The following ARID3A variants were observed in gnomAD, a reference collection of about 807,000 sequenced individuals.
ARID3A encodes AT-rich interaction domain 3A.
A neutral mutation model predicts 52.7 loss-of-function variants in ARID3A; 11 were observed. The ratio of observed to expected loss-of-function variants is 0.21; its 90% CI spans 0.13 to 0.35. ARID3A has a LOEUF of 0.35. Ranked by LOEUF, ARID3A falls within the 10% of genes least tolerant of loss-of-function variation. The pLI, the probability that ARID3A is intolerant of heterozygous loss-of-function variation, is 1.00. For missense variants in ARID3A, 721 were observed against 838.5 expected, an observed-to-expected ratio of 0.86 and a Z score of 1.73; for synonymous variants, 404 against 359.4, an observed-to-expected ratio of 1.12 and a Z score of -1.40.
chr19:964,987 A>G lies in ARID3A; in HGVS notation c.1105A>G (p.Met369Val). Residue 369 changes from methionine (M) to valine (V), a missense_variant, in exon 6 of 9, where the codon ATG becomes GTG. Met to Val is a conservative substitution (Grantham distance 21). This residue lies in a region of ARID3A where 297 missense variants were observed against 343.2 expected (regional missense o/e 0.87). Transcript: ENST00000263620. This position sits in a 1 kb window ranked among gnomAD's most constrained non-coding sequence, Gnocchi z 5.7. ...FAYSPGGAHGMLSSPKLPVSS... is the reference protein window; with the variant it reads ...FAYSPGGAHGVLSSPKLPVSS... ...CTACTCGCCAGGCGGGGCACACGGC[A>G]TGCTCTCCTCACCCAAGCTACCCGT... 6.2e-7 allele frequency: 1 copy of G among 1,613,754 alleles called. No homozygotes were observed. Among genetic ancestry groups the G allele is most frequent in the South Asian group, 1.1e-5 (1 of 91,080 alleles).
In ARID3A at chr19:974,731, C is replaced by T. The variant is rs1364324380; in HGVS notation, c.*2666C>T. 3.5e-5 allele frequency: 8 copies of T among 231,552 alleles called. No individual in the cohort carries two copies. The South Asian group carries it at 5.4e-4, about 16-fold the overall frequency. 14.3% of individuals were successfully genotyped at this position (231,552 alleles called of 1,614,324 possible). On this transcript the variant is annotated 3_prime_UTR_variant, in exon 9 of 9. Transcript: ENST00000263620. ...GGGTCGAGGGCTGGGTCGTCTCCCT[C>T]GGGCTGCGTGTGTGTGTCGGGAATC...
intron 2 of ARID3A, among the ~76,000 whole-genome samples, chr19:930,326 T>C (rs929841689): frequency 3.3e-5 from 5 of 151,042 alleles, no homozygotes; most frequent in African/African-American, 1.2e-4. Context: ...TCGAGGTGGG[T>C]GGATCACCTG....
chr19:968,689 C>T, intron 8 of ARID3A, 186 bp downstream of exon 8: 1 of 578,752 alleles, frequency 1.7e-6, no homozygotes, highest in South Asian at 2.0e-5. Flanking sequence ...CACCCGGTAC[C>T]ACGCTCAGCC....
chr19:926,316 G>A (rs1039841673), intron 1 of ARID3A, among the ~76,000 whole-genome samples: 15 of 151,902 alleles, frequency 9.9e-5, no homozygotes, highest in African/African-American at 3.4e-4. Flanking sequence ...GTTGGTGGGG[G>A]TCCCGGACTG....
chr19:964,353 A>G lies in ARID3A; in HGVS notation c.872A>G (p.Lys291Arg). Residue 291 changes from lysine to arginine, a missense_variant, in exon 5 of 9, where the codon AAG becomes AGG. Physicochemically the swap from Lys to Arg is conservative, Grantham distance 26. Transcript: ENST00000263620. This position sits in a 1 kb window ranked among gnomAD's most constrained non-coding sequence, Gnocchi z 5.7. Reference sequence around the variant, plus strand: ...GGCGGCCTCGTGGAGGTCATCAACAAGAAGCTGTGGCGTGAGATCACCAAG... The same window carrying G: ...GGCGGCCTCGTGGAGGTCATCAACAGGAAGCTGTGGCGTGAGATCACCAAG... ...EKGGLVEVIN[K>R]KLWREITKGL... 1 of 1,614,074 alleles carries G rather than the reference A, an allele frequency of 6.2e-7. No individual in the cohort carries two copies. Among genetic ancestry groups the G allele is most frequent in the Non-Finnish European group, 8.5e-7 (1 of 1,179,986 alleles).
In ARID3A at chr19:942,762, A is replaced by G. The variant is rs906603737; in HGVS notation, c.693+10020A>G. On this transcript the variant is annotated intron_variant, in intron 3 of 8. Coordinates refer to ENST00000263620, the MANE Select transcript of ARID3A (RefSeq NM_005224.3). This position sits in a 1 kb window ranked among gnomAD's most constrained non-coding sequence, Gnocchi z 8.1. ...ACGCTGGACATAGTGCCCAGATTCC[A>G]TGCCCAGCAGCCTCCTCTGCCACCC... Among the ~76,000 whole-genome samples, 4 of 152,188 alleles carry G rather than the reference A, an allele frequency of 2.6e-5. No homozygotes were observed. The highest frequency in any genetic ancestry group is 2.0e-4 in the Admixed American group (3 of 15,274).
At chr19:966,471 A>AG (rs1347959835) in intron 6 of ARID3A, 101 bp from the exon 7 acceptor site, 10 of 1,089,792 alleles carry the variant, frequency 9.2e-6, no homozygotes, top group Non-Finnish European at 1.1e-5. Flanking sequence ...AAAAAAAAAA[A>AG]AAAAGAAAAG....
Position 971,979 on chromosome 19 carries a change from G to A in ARID3A, c.1696G>A (p.Gly566Arg), listed in dbSNP as rs776587212. 6.2e-7 allele frequency: 1 copy of A among 1,602,496 alleles called. No individual in the cohort carries two copies. Among genetic ancestry groups the A allele is most frequent in the East Asian group, 2.3e-5 (1 of 43,368 alleles). ...GSSSNAGGRGGNTGTSGGQAG... is the reference protein window; with the variant it reads ...GSSSNAGGRGRNTGTSGGQAG... ...CAGCAGCAACGCAGGCGGCCGGGGA[G>A]GAAACACCGGAACCAGCGGCGGCCA... Residue 566 changes from glycine (G) to arginine (R), a missense_variant, in exon 9 of 9, where the codon GGA (glycine) becomes AGA (arginine). By Grantham distance (125) the Gly-to-Arg change is moderately radical. This residue lies in a region of ARID3A where 297 missense variants were observed against 343.2 expected (regional missense o/e 0.87). Transcript: ENST00000263620.
In ARID3A at chr19:941,273, G is replaced by T. The variant is rs867181009; in HGVS notation, c.693+8531G>T. On this transcript the variant is annotated intron_variant, in intron 3 of 8. Coordinates refer to ENST00000263620, the MANE Select transcript of ARID3A (RefSeq NM_005224.3). The surrounding 1 kb of genome is among the most constrained non-coding windows in gnomAD (Gnocchi z 6.9). ...GAGTGTGCACGCTGGGGCTGTGGCCGGGCGGCTCGTGGGTCCTGTCTCGTG... is the reference window on the plus strand; with the variant it reads ...GAGTGTGCACGCTGGGGCTGTGGCCTGGCGGCTCGTGGGTCCTGTCTCGTG... 6.6e-6 allele frequency among the ~76,000 whole-genome samples: 1 copy of T among 152,262 alleles called. No homozygotes were observed. Among genetic ancestry groups the T allele is most frequent in the African/African-American group, 2.4e-5 (1 of 41,478 alleles).
intron 4 of ARID3A, among the ~76,000 whole-genome samples, chr19:963,640 C>A (rs569911591): frequency 1.3e-5 from 2 of 152,298 alleles, no homozygotes; most frequent in South Asian, 4.1e-4. Context: ...GCCCACCTAC[C>A]GCCCTTCCCC....
chr19:929,738 G>A lies in ARID3A; in HGVS notation c.210G>A (p.Ala70=), dbSNP rs373039179. Residue 70 remains alanine (A), a synonymous_variant, in exon 2 of 9, where the codon GCG becomes GCA. Transcript: ENST00000263620. This position sits in a 1 kb window ranked among gnomAD's most constrained non-coding sequence, Gnocchi z 6.2. ...TGGCAGCCATGCGGGCTGCAGCTGC[G>A]GGCCTGGGACACCCAGCCAGCCCCG... ...AALAAMRAAA[A]GLGHPASPGG... The A allele has an allele frequency of 1.5e-5, 23 of 1,559,152 alleles. No homozygotes were observed. The African/African-American group carries it at 2.2e-4, about 15-fold the overall frequency.
intron 3 of ARID3A, among the ~76,000 whole-genome samples, chr19:950,524 G>A (rs901688623): frequency 6.6e-6 from 1 of 152,212 alleles, no homozygotes. Flanking sequence ...AGGGGGAGCA[G>A]CCAGGTGTGT....
rs1441005458 is a variant in ARID3A, at chr19:935,580, C to T, written c.693+2838C>T. Among the ~76,000 whole-genome samples the T allele has an allele frequency of 3.9e-5, 6 of 152,218 alleles. No homozygotes were observed. In the South Asian group the frequency reaches 6.2e-4, roughly 16 times the overall value. ...GCAGCCTCGATCTCCTGGGTTCAAG[C>T]GATCCTTCTGCCTCAGCCTCCTGAG... On this transcript the variant is annotated intron_variant, in intron 3 of 8. Transcript: ENST00000263620.
chr19:969,210 A>G (rs1274424331), intron 8 of ARID3A, among the ~76,000 whole-genome samples: 3 of 152,094 alleles, frequency 2.0e-5, no homozygotes, highest in Non-Finnish European at 4.4e-5. Flanking sequence ...TCCAATGCCT[A>G]ATAATCACAT....
intron 3 of ARID3A, 98 bp downstream of exon 3, chr19:932,840 G>T: frequency 6.7e-7 from 1 of 1,498,266 alleles, no homozygotes; most frequent in Non-Finnish European, 8.8e-7. Flanking sequence ...GCTGAGCCGG[G>T]CGTCGAGTTG....
chr19:955,841 C>G (rs868479645), intron 3 of ARID3A, among the ~76,000 whole-genome samples: 1 of 152,164 alleles, frequency 6.6e-6, no homozygotes, highest in African/African-American at 2.4e-5. Context: ...GGCTGCGTAA[C>G]GAAGGACCTC....
rs201249817 is a variant in ARID3A, at chr19:964,787, G to C, written c.951-46G>C. The C allele has an allele frequency of 1.3e-6, 2 of 1,592,826 alleles. No individual in the cohort carries two copies. The highest frequency in any genetic ancestry group is 4.5e-5 in the East Asian group (2 of 44,556). Reference sequence around the variant, plus strand: ...TTTGTACTGAAGGCCAAAGAGAGCCGTAGGGGTGACCCGGGTGCCATCCTC... The same window carrying C: ...TTTGTACTGAAGGCCAAAGAGAGCCCTAGGGGTGACCCGGGTGCCATCCTC... On this transcript the variant is annotated intron_variant, in intron 5 of 8. Transcript: ENST00000263620. This position sits in a 1 kb window ranked among gnomAD's most constrained non-coding sequence, Gnocchi z 5.7.
chr19:932,997 A>G (rs951855684), intron 3 of ARID3A, among the ~76,000 whole-genome samples: 1 of 152,084 alleles, frequency 6.6e-6, no homozygotes, highest in Non-Finnish European at 1.5e-5. Flanking sequence ...CACGGCCCCC[A>G]TATCGGAGGT....
intron 1 of ARID3A, chr19:928,953 C>T (rs888501688): frequency 1.3e-5 from 2 of 152,270 alleles, no homozygotes; most frequent in African/African-American, 2.4e-5. Context: ...GCCCGGAGCC[C>T]GCTGGCCAAT....
Sources: gnomAD v4.1 joint callset for allele counts (sites outside exome capture counted in the v4.1 genomes callset) on GRCh38, gnomAD v4.1.1 for gene constraint, gnomAD v4.1.1 regional missense constraint, Gnocchi (gnomAD v3.1) non-coding constraint, MANE v1.5 for transcripts, NCBI Gene and HGNC (gene_info 2026-07-23, HGNC 2026-07-21) for gene names.